Variants in RASSF3 observed in about 807,000 individuals in gnomAD.
RASSF3 encodes the protein Ras association domain family member 3, also known as ras association domain-containing protein 3.
A neutral mutation model predicts 19.9 loss-of-function variants in RASSF3; 19 were observed. That is an observed-to-expected ratio of 0.96 (90% CI 0.67 to 1.40). RASSF3 has a LOEUF of 1.40. RASSF3 is among the 40% of genes most tolerant of loss of function. RASSF3 has a pLI of 0.00. For synonymous variants in RASSF3, 110 were observed against 104.2 expected (o/e 1.06, Z -0.34); for missense variants, 306 against 289.8 (o/e 1.06, Z -0.41).
chr12:64,620,165 C>G (rs555151990), intron 1 of RASSF3, among the ~76,000 whole-genome samples: 83 of 152,090 alleles, frequency 5.5e-4, no homozygotes, highest in Middle Eastern at 3.4e-3. Flanking sequence ...GTTCGTCTGA[C>G]TAGTCTAGAT....
downstream of RASSF3, among the ~76,000 whole-genome samples, chr12:64,545,155 A>C (rs1445063781): frequency 6.6e-6 from 1 of 152,220 alleles, no homozygotes; most frequent in Non-Finnish European, 1.5e-5. Flanking sequence ...CAGGAAAAAA[A>C]GCTTGGATTG....
At chr12:64,640,345 C>G (rs141877835) in intron 1 of RASSF3, among the ~76,000 whole-genome samples, 53 of 152,242 alleles carry the variant, frequency 3.5e-4, no homozygotes, top group African/African-American at 1.1e-3. Context: ...CCTCTCAACA[C>G]AAAAGTGTAC....
At chr12:64,560,289 T>G (rs1430995595) in intron 2 of RASSF3, among the ~76,000 whole-genome samples, 1 of 152,228 alleles carries the variant, frequency 6.6e-6, no homozygotes, top group Non-Finnish European at 1.5e-5. Flanking sequence ...AGAGCCTCAG[T>G]CTGTGGCTCA....
chr12:64,664,618 G>A (rs1210995067), intron 1 of RASSF3, among the ~76,000 whole-genome samples: 1 of 152,070 alleles, frequency 6.6e-6, no homozygotes, highest in Admixed American at 6.6e-5. Context: ...TCAGTTTCAG[G>A]GCTCACAAAG....
At chr12:64,674,853 A>G (rs1392985439) in intron 1 of RASSF3, among the ~76,000 whole-genome samples, 1 of 152,002 alleles carries the variant, frequency 6.6e-6, no homozygotes, top group Non-Finnish European at 1.5e-5. Flanking sequence ...TGAGAGGTAA[A>G]GTTGGGGGAG....
intron 1 of RASSF3, among the ~76,000 whole-genome samples, chr12:64,645,141 C>T (rs1228659237): frequency 6.6e-6 from 1 of 152,084 alleles, no homozygotes; most frequent in African/African-American, 2.4e-5. Context: ...GAACACCTGC[C>T]AGGTTGTGAA....
At chr12:64,633,979 C>T (rs1036469447) in intron 1 of RASSF3, among the ~76,000 whole-genome samples, 21 of 152,174 alleles carry the variant, frequency 1.4e-4, no homozygotes, top group African/African-American at 4.8e-4. Context: ...ACAAAAAATA[C>T]AAAAATTAGC....
At chr12:64,668,716 CTG>C (rs923718866) in intron 1 of RASSF3, among the ~76,000 whole-genome samples, 2 of 139,910 alleles carry the variant, frequency 1.4e-5, no homozygotes, top group African/African-American at 5.3e-5. Flanking sequence ...GAGTCTCACT[CTG>C]TCGCCCAGGC....
At chr12:64,642,788 C>T (rs1871589765) in intron 1 of RASSF3, among the ~76,000 whole-genome samples, 1 of 151,160 alleles carries the variant, frequency 6.6e-6, no homozygotes, top group Non-Finnish European at 1.5e-5. Flanking sequence ...AGTATAGCTT[C>T]TGGATTCAGA....
chr12:64,548,334 A>G (rs1248038576), intron 2 of RASSF3, among the ~76,000 whole-genome samples: 1 of 133,228 alleles, frequency 7.5e-6, no homozygotes, highest in Non-Finnish European at 1.7e-5. Context: ...CATCATGCCC[A>G]GCTAGTTTTT....
At chr12:64,544,585 T>G (rs1182583645), downstream of RASSF3, among the ~76,000 whole-genome samples, 4 of 151,604 alleles carry the variant, frequency 2.6e-5, no homozygotes, top group Non-Finnish European at 5.9e-5. Context: ...ACCACTGCCC[T>G]TAAGCCTGGG....
intron 1 of RASSF3, among the ~76,000 whole-genome samples, chr12:64,512,648 T>C (rs1868334922): frequency 6.6e-6 from 1 of 152,170 alleles, no homozygotes. Context: ...TATCAAGCCA[T>C]TGTAATACAA....
At chr12:64,598,289 T>C (rs1870028981) in intron 2 of RASSF3, among the ~76,000 whole-genome samples, 2 of 152,218 alleles carry the variant, frequency 1.3e-5, no homozygotes, top group South Asian at 4.1e-4. Context: ...GGTTTATTGA[T>C]TGGGTAATCA....
At chr12:64,518,254 G>A (rs1197438202) in intron 1 of RASSF3, among the ~76,000 whole-genome samples, 1 of 152,084 alleles carries the variant, frequency 6.6e-6, no homozygotes, top group East Asian at 1.9e-4. Context: ...CCATCTGTTA[G>A]TCCATTTTTT....
intron 1 of RASSF3, among the ~76,000 whole-genome samples, chr12:64,626,488 C>CAAAAAAAAAA (rs36122537): frequency 1.3e-4 from 10 of 76,520 alleles, no homozygotes; most frequent in Admixed American, 3.1e-4. Context: ...ACTCTTGTCT[C>CAAAAAAAAAA]AAAAAAAAAA....
At chr12:64,586,688 C>T (rs184077769) in intron 2 of RASSF3, among the ~76,000 whole-genome samples, 59 of 151,750 alleles carry the variant, frequency 3.9e-4, no homozygotes, top group African/African-American at 1.2e-3. Flanking sequence ...TTTGGGAGGC[C>T]GAGGCAGGCA....
intron 1 of RASSF3, among the ~76,000 whole-genome samples, chr12:64,660,352 C>T (rs1872312728): frequency 1.3e-5 from 2 of 152,054 alleles, no homozygotes; most frequent in Admixed American, 1.3e-4. Context: ...CATCATTAAC[C>T]ATTTACATTC....
intron 1 of RASSF3, among the ~76,000 whole-genome samples, chr12:64,647,032 G>T (rs934376511): frequency 6.6e-6 from 1 of 152,106 alleles, no homozygotes; most frequent in African/African-American, 2.4e-5. Context: ...GCAGAAGCTA[G>T]AATTTTAATC....
At chr12:64,624,003 G>A (rs1422132816) in intron 1 of RASSF3, among the ~76,000 whole-genome samples, 4 of 151,838 alleles carry the variant, frequency 2.6e-5, no homozygotes, top group Non-Finnish European at 5.9e-5. Flanking sequence ...ATTTGGTCAC[G>A]TGAAACTGTC....
Sources: allele counts gnomAD v4.1 joint callset (sites outside exome capture counted in the v4.1 genomes callset), GRCh38; gene constraint gnomAD v4.1.1; transcripts MANE v1.5; gene names NCBI Gene and HGNC (gene_info 2026-07-23, HGNC 2026-07-21).